RSL1D1: variants seen among roughly 807,000 people sequenced by gnomAD.
RSL1D1 encodes ribosomal L1 domain-containing protein 1.
In RSL1D1, 34 loss-of-function variants were observed where a neutral mutation model predicts 44.6. That is an observed-to-expected ratio of 0.76 (90% CI 0.58 to 1.02). The LOEUF is 1.02. Among genes scored for constraint, RSL1D1 ranks in the 50% least tolerant of loss-of-function variants. RSL1D1 has a pLI of 0.00. For missense variants in RSL1D1, 767 were observed against 568.1 expected (o/e 1.35, Z -3.56); for synonymous variants, 271 against 207.4 (o/e 1.31, Z -2.63).
intron 1 of RSL1D1, chr16:11,851,034 C>T (rs1263277784): frequency 2.8e-6 from 1 of 354,474 alleles, no homozygotes; most frequent in South Asian, 2.2e-5. Context: ...GCGCTTTACA[C>T]TCATTACCTC....
At chr16:11,840,560 T>G (rs1394881814) in intron 7 of RSL1D1, among the ~76,000 whole-genome samples, 21 of 152,252 alleles carry the variant, frequency 1.4e-4, no homozygotes, top group Admixed American at 2.6e-4. Flanking sequence ...AGAGTGAAAC[T>G]CTGTCTCAAA....
At chr16:11,838,244 A>G in intron 8 of RSL1D1, 131 bp from the exon 9 acceptor site, 1 of 752,058 alleles carries the variant, frequency 1.3e-6, no homozygotes, top group East Asian at 2.8e-5. Flanking sequence ...CCCATGCTAG[A>G]GTGCAATGGC....
Position 11,842,182 on chromosome 16 carries a change from C to G in RSL1D1, c.636-182G>C, listed in dbSNP as rs62038778. Among the ~76,000 whole-genome samples, 5 of 152,102 alleles carry G rather than the reference C, an allele frequency of 3.3e-5. No homozygotes were observed. The East Asian group carries it at 9.6e-4, about 29-fold the overall frequency. On this transcript the variant is annotated intron_variant, in intron 5 of 8. Coordinates refer to ENST00000571133, the MANE Select transcript of RSL1D1 (RefSeq NM_015659.3). ...TCTCTACCACACTAACAAAAATTAA[C>G]TGGGCATGGTGGTACATGCCTGTAA...
chr16:11,835,924 C>T lies in RSL1D1; in HGVS notation c.*1863G>A, dbSNP rs1306053874. The T allele has an allele frequency of 6.6e-6, 1 of 152,190 alleles. No individual in the cohort carries two copies. Among genetic ancestry groups the T allele is most frequent in the Non-Finnish European group, 1.5e-5 (1 of 68,048 alleles). 9.4% of individuals were successfully genotyped at this position (152,190 alleles called of 1,614,324 possible). A position where few individuals can be genotyped will look rare whatever the true frequency, so the allele number is the denominator to read the frequency against. On this transcript the variant is annotated 3_prime_UTR_variant, in exon 9 of 9. Transcript: ENST00000571133. ...GAAGGCTGCCCTGACGCACCATAAT[C>T]TAAGCCCAGGGCATAAAATCCCTCG...
rs2053732740 is a variant in RSL1D1, at chr16:11,837,823, T to C, written c.1437A>G (p.Lys479=). Residue 479 remains lysine, a synonymous_variant, in exon 9 of 9, where the codon AAA becomes AAG. Coordinates refer to ENST00000571133, the MANE Select transcript of RSL1D1 (RefSeq NM_015659.3). ...GGGGTACTTTGGGTTTTTTGGGCCA[T>C]TTTTTGGGGGTGTGGGAAGCTTTTC... ...SVRKASHTPK[K]WPKKPKVPQS... is the part of the protein sequence containing the mutation. 3.7e-6 allele frequency: 6 copies of C among 1,610,230 alleles called. No individual in the cohort carries two copies. Among genetic ancestry groups the C allele is most frequent in the Non-Finnish European group, 5.1e-6 (6 of 1,178,580 alleles).
intron 7 of RSL1D1, 86 bp from the exon 8 acceptor site, chr16:11,840,071 T>A: frequency 1.3e-6 from 2 of 1,537,854 alleles, no homozygotes; most frequent in Non-Finnish European, 1.7e-6. Flanking sequence ...GCAGTTTTGA[T>A]TATCCATAAG....
rs1241984295 is a variant in RSL1D1, at chr16:11,837,671, A to C, written c.*116T>G. 1 of 1,014,290 alleles carries C rather than the reference A, an allele frequency of 9.9e-7. No individual in the cohort carries two copies. The highest frequency in any genetic ancestry group is 1.6e-5 in the African/African-American group (1 of 61,758). The allele number at this position is 1,014,290 out of a possible 1,614,324, so 62.8% of individuals were successfully genotyped here. ...GGACTACTTATGGAGGTTTTAAAAA[A>C]TCTTTTAAGTCCAGGCCTGACGTTT... On this transcript the variant is annotated 3_prime_UTR_variant, in exon 9 of 9. Transcript: ENST00000571133.
In RSL1D1 at chr16:11,841,960, T is replaced by C; in HGVS notation, c.676A>G (p.Ile226Val). The change falls in exon 6 of 9, where the codon ATC (isoleucine) becomes GTC (valine). Residue 226 changes from isoleucine (I) to valine (V), a missense_variant. Coordinates refer to ENST00000571133, the MANE Select transcript of RSL1D1 (RefSeq NM_015659.3). ...IGHVGMQIEH[I>V]IENIVAVTKG... The stretch of plus-strand genomic sequence containing the variant: ...GTGACAGCAACAATGTTTTCAATGA[T>C]GTGCTCAATTTGCATTCCAACGTGA... 1.2e-6 allele frequency: 2 copies of C among 1,614,046 alleles called. No individual in the cohort carries two copies. Among genetic ancestry groups the C allele is most frequent in the East Asian group, 2.2e-5 (1 of 44,882 alleles).
intron 5 of RSL1D1, among the ~76,000 whole-genome samples, chr16:11,845,416 G>A (rs765751838): frequency 6.6e-6 from 1 of 152,206 alleles, no homozygotes; most frequent in Non-Finnish European, 1.5e-5. Context: ...CTGCACCACT[G>A]AGTGCAGTGG....
intron 2 of RSL1D1, among the ~76,000 whole-genome samples, chr16:11,850,007 T>C (rs1326756320): frequency 6.6e-6 from 1 of 152,168 alleles, no homozygotes; most frequent in Non-Finnish European, 1.5e-5. Flanking sequence ...TTTGTATTTT[T>C]GGAGAGACAG....
In RSL1D1 at chr16:11,836,494, T is replaced by G. The variant is rs1032612524; in HGVS notation, c.*1293A>C. 1.3e-5 allele frequency: 2 copies of G among 152,194 alleles called. No homozygotes were observed. Among genetic ancestry groups the G allele is most frequent in the Non-Finnish European group, 2.9e-5 (2 of 68,040 alleles). 9.4% of individuals were successfully genotyped at this position (152,194 alleles called of 1,614,324 possible). On this transcript the variant is annotated 3_prime_UTR_variant, in exon 9 of 9. Transcript: ENST00000571133. The stretch of plus-strand genomic sequence containing the variant: ...GTGAAAGGCCACGTACCTAAAAAGG[T>G]GTTTACTGCCTCAGAATATACTTGA...
In RSL1D1 at chr16:11,846,709, GA is replaced by G. The variant is rs2053801190; in HGVS notation, c.518del (p.Phe173SerfsTer11). 6.2e-7 allele frequency: 1 copy of G among 1,613,822 alleles called. No individual in the cohort carries two copies. Among genetic ancestry groups the G allele is most frequent in the Non-Finnish European group, 8.5e-7 (1 of 1,179,974 alleles). ...RLLPSLIGRH[F>X]YQRKKVPVSV... is the part of the protein sequence containing the mutation. ...AAGAAACTTACTTCTTTCTTTGATA[GA>G]AATGTCTCCCAATGAGTGAGGGTAA... On this transcript the variant is annotated frameshift_variant, in exon 4 of 9. Transcript: ENST00000571133. LOFTEE classifies it high-confidence loss of function.
chr16:11,845,386 G>A (rs2053790575), intron 5 of RSL1D1, among the ~76,000 whole-genome samples: 1 of 152,228 alleles, frequency 6.6e-6, no homozygotes, highest in African/African-American at 2.4e-5. Flanking sequence ...CAAGGAGTTG[G>A]AGGTTGCAGT....
At chr16:11,849,613 T>C (rs886399475) in intron 2 of RSL1D1, among the ~76,000 whole-genome samples, 2 of 152,194 alleles carry the variant, frequency 1.3e-5, no homozygotes, top group Non-Finnish European at 2.9e-5. Context: ...ATAGTCTCTG[T>C]ACAAAGGAAT....
chr16:11,839,498 G>T (rs144782532), intron 8 of RSL1D1, among the ~76,000 whole-genome samples, 197 bp downstream of exon 8: 154 of 145,428 alleles, frequency 1.1e-3, no homozygotes, highest in Non-Finnish European at 2.0e-3. Flanking sequence ...GTGTAAGACC[G>T]GTCTGGGCAA....
At chr16:11,842,759 G>A (rs1183883862) in intron 5 of RSL1D1, among the ~76,000 whole-genome samples, 1 of 148,610 alleles carries the variant, frequency 6.7e-6, no homozygotes, top group Admixed American at 6.7e-5. Context: ...ATGAAGGGGT[G>A]ACTTTTTTTT....
chr16:11,851,305 C>T (rs79215987), intron 1 of RSL1D1, 103 bp downstream of exon 1: 51,168 of 1,095,508 alleles, frequency 0.047, 3,993 homozygotes, highest in Admixed American at 0.26. Context: ...CGTCCCACAG[C>T]CCCGGGGAAG....
intron 3 of RSL1D1, chr16:11,847,438 C>T (rs2053806725): frequency 2.3e-6 from 1 of 442,432 alleles, no homozygotes; most frequent in South Asian, 2.9e-5. Context: ...AACTACAAAA[C>T]AGCAAATCAG....
Position 11,839,882 on chromosome 16 carries a change from T to A in RSL1D1, c.959A>T (p.Asp320Val), listed in dbSNP as rs142060572. ...AGTATCACCACTTTCAGGTGCCACA[T>A]CATCTTTACTAAGAACTGATGCAGT... is the stretch of plus-strand genomic sequence containing the variant. ...RKTASVLSKD[D>V]VAPESGDTTV... Residue 320 changes from aspartate to valine, a missense_variant, in exon 8 of 9, where the codon GAT becomes GTT. Transcript: ENST00000571133. The A allele has an allele frequency of 6.2e-7, 1 of 1,614,038 alleles. No individual in the cohort carries two copies. Among genetic ancestry groups the A allele is most frequent in the Non-Finnish European group, 8.5e-7 (1 of 1,180,028 alleles).
Sources: allele counts gnomAD v4.1 joint callset (sites outside exome capture counted in the v4.1 genomes callset), GRCh38; gene constraint gnomAD v4.1.1; transcripts MANE v1.5; gene names NCBI Gene and HGNC (gene_info 2026-07-23, HGNC 2026-07-21).